Variants in CAPN12 observed in about 807,000 individuals in gnomAD.
CAPN12 encodes the protein calpain-12.
A neutral mutation model predicts 95.0 loss-of-function variants in CAPN12; 107 were observed. The ratio of observed to expected loss-of-function variants is 1.13; its 90% confidence interval spans 0.96 to 1.32. The LOEUF is 1.32. Among genes scored for constraint, CAPN12 ranks in the 40% most tolerant of loss-of-function variants. The pLI is 0.00. For missense variants in CAPN12, 1,136 were observed against 997.8 expected (o/e 1.14, Z -1.87); for synonymous variants, 505 against 415.5 (o/e 1.22, Z -2.62).
At chr19:38,741,230 G>A (rs923534267) in intron 4 of CAPN12, among the ~76,000 whole-genome samples, 2 of 152,136 alleles carry the variant, frequency 1.3e-5, no homozygotes, top group Non-Finnish European at 2.9e-5. Context: ...GTGACTGGGG[G>A]TCTCCAGGAA....
chr19:38,735,568 G>C, intron 12 of CAPN12, 24 bp from the exon 13 acceptor site: 2 of 1,607,018 alleles, frequency 1.2e-6, no homozygotes, highest in Non-Finnish European at 1.7e-6. Context: ...ATGGGAAGTG[G>C]GGAGGGGGCT....
At position 38,736,111 on chromosome 19, in the gene CAPN12, C is replaced by G; in HGVS notation, c.1582G>C (p.Val528Leu). 1.3e-6 allele frequency: 2 copies of G among 1,494,086 alleles called. No homozygotes were observed. The highest frequency in any genetic ancestry group is 1.8e-6 in the Non-Finnish European group (2 of 1,125,468). The allele number at this position is 1,494,086 out of a possible 1,614,324, so 92.6% of individuals were successfully genotyped here. ...RVFSERRHTA[V>L]EIDDVISADL... ...CGGATTTGGGTGCCCGGGGCTCACA[C>G]GGCCGTGTGGCGGCGCTCGGAGAAG... Residue 528 changes from valine to leucine, a missense_variant and splice_region_variant, in exon 12 of 21, where the codon GTG (valine) becomes CTG (leucine). By Grantham distance (32) the Val-to-Leu change is conservative (BLOSUM62 1). Coordinates refer to ENST00000328867, the MANE Select transcript of CAPN12 (RefSeq NM_144691.4).
Position 38,731,020 on chromosome 19 carries a change from T to C in CAPN12, c.2078A>G (p.His693Arg). 6.4e-7 allele frequency: 1 copy of C among 1,554,168 alleles called. No individual in the cohort carries two copies. Among genetic ancestry groups the C allele is most frequent in the Non-Finnish European group, 8.7e-7 (1 of 1,149,130 alleles). ...ACCCCCATCCAGGTGCTGGCTGCAG[T>C]GGCCTGTGCAGAGAGGGGCAGGGTG... ...CVAHLTCIFC[H>R]CSQHLDGGEG... is the part of the protein sequence containing the mutation. The change falls in exon 20 of 21, where the codon CAC (histidine) becomes CGC (arginine). Residue 693 changes from histidine to arginine, a missense_variant. Coordinates refer to ENST00000328867, the MANE Select transcript of CAPN12 (RefSeq NM_144691.4).
Position 38,744,234 on chromosome 19 carries a change from T to C in CAPN12, c.-69A>G, listed in dbSNP as rs113275010. The C allele has an allele frequency of 0.029, 42,080 of 1,440,378 alleles. 1,047 individuals are homozygous for C. The highest frequency in any genetic ancestry group is 0.11 in the Admixed American group (6,478 of 59,412). The allele number at this position is 1,440,378 out of a possible 1,614,324, so 89.2% of individuals were successfully genotyped here. A position where few individuals can be genotyped will look rare whatever the true frequency, so the allele number is the denominator to read the frequency against. On this transcript the variant is annotated 5_prime_UTR_variant, in exon 1 of 21. Coordinates refer to ENST00000328867, the MANE Select transcript of CAPN12 (RefSeq NM_144691.4). Reference sequence around the variant, plus strand: ...CTGAGTCACGGGGGCGGGGCCTCTCTTCCATTGGAGCCCCAGTGGGGTCTT... The same window carrying C: ...CTGAGTCACGGGGGCGGGGCCTCTCCTCCATTGGAGCCCCAGTGGGGTCTT...
At chr19:38,739,331 T>A (rs1970407081) in intron 5 of CAPN12, 1 of 151,080 alleles carries the variant, frequency 6.6e-6, no homozygotes, top group African/African-American at 2.5e-5. Flanking sequence ...GCGCCTGTAG[T>A]CCCAGCTACT....
Position 38,737,354 on chromosome 19 carries a change from C to A in CAPN12, c.1164G>T (p.Thr388=). The A allele has an allele frequency of 6.2e-7, 1 of 1,608,718 alleles. No homozygotes were observed. The highest frequency in any genetic ancestry group is 1.3e-5 in the African/African-American group (1 of 74,284). ...TFWTNPQFRL[T]LLEPDEEDDE... ...CATCCTCCTCATCAGGCTCCAGCAG[C>A]GTTAAACGGAACTGAGGATTGGTCC... Residue 388 remains threonine (T), a synonymous_variant, in exon 10 of 21, where the codon ACG becomes ACT. Transcript: ENST00000328867.
Position 38,731,041 on chromosome 19 carries a change from G to A in CAPN12, c.2075-18C>T, listed in dbSNP as rs968530970. On this transcript the variant is annotated intron_variant, in intron 19 of 20. Coordinates refer to ENST00000328867, the MANE Select transcript of CAPN12 (RefSeq NM_144691.4). Reference sequence around the variant, plus strand: ...GCAGTGGCCTGTGCAGAGAGGGGCAGGGTGAGTGCCCACCAGTCCCCGTAC... The same window carrying A: ...GCAGTGGCCTGTGCAGAGAGGGGCAAGGTGAGTGCCCACCAGTCCCCGTAC... The A allele has an allele frequency of 7.7e-6, 12 of 1,557,380 alleles. No homozygotes were observed. The highest frequency in any genetic ancestry group is 6.8e-5 in the African/African-American group (5 of 73,390).
Position 38,734,387 on chromosome 19 carries a change from TG to T in CAPN12, c.1746del (p.Arg583GlyfsTer58). The T allele has an allele frequency of 6.3e-7, 1 of 1,586,416 alleles. No homozygotes were observed. Among genetic ancestry groups the T allele is most frequent in the Non-Finnish European group, 8.6e-7 (1 of 1,167,194 alleles). ...TCTCTGGGGGTGGAGGTATGGGCCCTGGCTACAGGAAAAACAAAGTCAAACC... is the reference window on the plus strand; with the variant it reads ...TCTCTGGGGGTGGAGGTATGGGCCCTGCTACAGGAAAAACAAAGTCAAACC... ...QALLSIALEP[A>X]RAHTSTPREI... On this transcript the variant is annotated frameshift_variant and splice_region_variant, in exon 16 of 21. Transcript: ENST00000328867. LOFTEE classifies it high-confidence loss of function.
chr19:38,744,162 C>T lies in CAPN12; in HGVS notation c.4G>A (p.Ala2Thr), dbSNP rs1349940104. 1.2e-6 allele frequency: 2 copies of T among 1,613,562 alleles called. No homozygotes were observed. Among genetic ancestry groups the T allele is most frequent in the Non-Finnish European group, 1.7e-6 (2 of 1,179,896 alleles). The change falls in exon 1 of 21, where the codon GCA becomes ACA. Residue 2 changes from alanine (A) to threonine (T), a missense_variant. By Grantham distance (58) the Ala-to-Thr change is moderately conservative. Coordinates refer to ENST00000328867, the MANE Select transcript of CAPN12 (RefSeq NM_144691.4). M[A>T]SSSGRVTIQL... ...ATGGTGACCCTCCCACTGCTGGATG[C>T]CATCTGGACACTGGCCTCACAAGCC...
chr19:38,731,061 C>T (rs1264350349), intron 19 of CAPN12, 38 bp from the exon 20 acceptor site: 1 of 1,564,206 alleles, frequency 6.4e-7, no homozygotes, highest in South Asian at 1.2e-5. Flanking sequence ...CCACCAGTCC[C>T]CGTACCCCTT....
Position 38,737,299 on chromosome 19 carries a change from A to AGCCCCCCC in CAPN12, c.1211_1218dup (p.Trp407GlyfsTer35). 1.6e-5 allele frequency: 4 copies of AGCCCCCCC among 245,876 alleles called. No individual in the cohort carries two copies. Among genetic ancestry groups the AGCCCCCCC allele is most frequent in the Non-Finnish European group, 2.5e-5 (4 of 160,396 alleles). 15.2% of individuals were successfully genotyped at this position (245,876 alleles called of 1,614,324 possible). ...GGGCCCCGTGCCCCTGCAGCCCCCC[A>AGCCCCCCC]GCCCCCCCAGGGCCCTTCCTCATCC... On this transcript the variant is annotated frameshift_variant, in exon 10 of 21. Transcript: ENST00000328867. LOFTEE classifies it high-confidence loss of function.
At chr19:38,740,458 C>T (rs1014249370) in intron 4 of CAPN12, among the ~76,000 whole-genome samples, 1 of 152,004 alleles carries the variant, frequency 6.6e-6, no homozygotes, top group Non-Finnish European at 1.5e-5. Flanking sequence ...CTCAGCCTCC[C>T]GAGGAGCTGG....
In CAPN12 at chr19:38,734,785, C is replaced by T. The variant is rs751616361; in HGVS notation, c.1744+28G>A. The T allele has an allele frequency of 7.5e-6, 12 of 1,607,228 alleles. No individual in the cohort carries two copies. In the African/African-American group the frequency reaches 1.1e-4, roughly 14 times the overall value. ...TGCAGGACCCCTGGCTAAGACCCCTCCTCCTGCCCCTATCCCAGCCAACTC... is the reference window on the plus strand; with the variant it reads ...TGCAGGACCCCTGGCTAAGACCCCTTCTCCTGCCCCTATCCCAGCCAACTC... On this transcript the variant is annotated intron_variant, in intron 15 of 20. Coordinates refer to ENST00000328867, the MANE Select transcript of CAPN12 (RefSeq NM_144691.4).
intron 5 of CAPN12, 45 bp downstream of exon 5, chr19:38,740,006 C>T (rs1413897654): frequency 4.0e-6 from 6 of 1,506,138 alleles, no homozygotes; most frequent in African/African-American, 1.4e-5. Flanking sequence ...CCTGACTGTG[C>T]TCTGGTCCTG....
chr19:38,731,318 A>G (rs973454204), intron 18 of CAPN12, 95 bp from the exon 19 acceptor site: 3 of 896,446 alleles, frequency 3.3e-6, no homozygotes, highest in Non-Finnish European at 5.5e-6. Flanking sequence ...CATGAATGCC[A>G]CAGGGTGTCA....
chr19:38,734,216 G>T lies in CAPN12; in HGVS notation c.1816-12C>A, dbSNP rs757756389. ...AGGCTTTGCCCATGCTGTGTTGGGGGTCGGGGGCATCTGGTTAAGGTCAAT... is the reference window on the plus strand; with the variant it reads ...AGGCTTTGCCCATGCTGTGTTGGGGTTCGGGGGCATCTGGTTAAGGTCAAT... On this transcript the variant is annotated splice_polypyrimidine_tract_variant and intron_variant, in intron 16 of 20. Coordinates refer to ENST00000328867, the MANE Select transcript of CAPN12 (RefSeq NM_144691.4). The T allele has an allele frequency of 2.5e-6, 4 of 1,612,654 alleles. No individual in the cohort carries two copies. The highest frequency in any genetic ancestry group is 3.4e-6 in the Non-Finnish European group (4 of 1,179,830).
chr19:38,736,016 G>GGGGTCTCGGGGGTCTC, intron 12 of CAPN12, 94 bp downstream of exon 12: 1 of 58,596 alleles, frequency 1.7e-5, no homozygotes, highest in Non-Finnish European at 2.8e-5. Flanking sequence ...TCAGGTCTCG[G>GGGGTCTCGGGGGTCTC]GGGTCTCGGG....
chr19:38,738,898 G>A (rs565337271), intron 5 of CAPN12: 4 of 541,322 alleles, frequency 7.4e-6, no homozygotes, highest in South Asian at 4.2e-5. Context: ...TAGGGAGGTC[G>A]AGGTGGAAGG....
At chr19:38,738,749 G>T in intron 5 of CAPN12, 101 bp from the exon 6 acceptor site, 1 of 1,010,982 alleles carries the variant, frequency 9.9e-7, no homozygotes, top group Non-Finnish European at 1.5e-6. Flanking sequence ...GCCAACCAGA[G>T]CACTGAACTG....
Sources: gnomAD v4.1 joint callset for allele counts (sites outside exome capture counted in the v4.1 genomes callset) on GRCh38, gnomAD v4.1.1 for gene constraint, MANE v1.5 for transcripts, NCBI Gene and HGNC (gene_info 2026-07-23, HGNC 2026-07-21) for gene names.